The following BIK variants were observed in gnomAD, a reference collection of about 807,000 sequenced individuals.
BIK encodes BCL2 interacting killer, also known as bcl-2-interacting killer.
Under a neutral mutation model 12.1 loss-of-function variants are expected in BIK, and 14 were observed. The observed-to-expected ratio is 1.16, with a 90% CI of 0.77 to 1.81. The LOEUF (loss-of-function observed/expected upper bound fraction) is 1.81, where lower values mean the gene tolerates loss of function less well. BIK is among the 40% of genes most tolerant of loss of function. BIK has a pLI of 0.00. For synonymous variants in BIK, 86 were observed against 92.3 expected (o/e 0.93, Z 0.39); for missense variants, 215 against 207.9 (o/e 1.03, Z -0.21).
intron 4 of BIK, 36 bp downstream of exon 4, chr22:43,128,661 TG>T (rs762120515): frequency 1.3e-6 from 2 of 1,575,928 alleles, no homozygotes; most frequent in South Asian, 2.3e-5. Flanking sequence ...TGACTTGCGC[TG>T]CGGCCAGTGG....
At chr22:43,117,183 T>G (rs1204193603) in intron 1 of BIK, among the ~76,000 whole-genome samples, 2 of 152,092 alleles carry the variant, frequency 1.3e-5, no homozygotes, top group East Asian at 3.9e-4. Context: ...GACGGAGGTC[T>G]CCCAGGCCCA....
intron 2 of BIK, among the ~76,000 whole-genome samples, chr22:43,125,488 C>G (rs1930296222): frequency 1.3e-5 from 2 of 151,096 alleles, no homozygotes; most frequent in African/African-American, 4.9e-5. Context: ...GGCGGATCAC[C>G]TGAGGTTGGG....
At chr22:43,121,638 G>C (rs182938186) in intron 1 of BIK, among the ~76,000 whole-genome samples, 1 of 152,180 alleles carries the variant, frequency 6.6e-6, no homozygotes, top group Non-Finnish European at 1.5e-5. Context: ...CTGCCTTTTC[G>C]AGGGGAAGGG....
chr22:43,117,525 C>T (rs531271081), intron 1 of BIK, among the ~76,000 whole-genome samples: 31 of 142,256 alleles, frequency 2.2e-4, no homozygotes, highest in East Asian at 3.9e-4. Flanking sequence ...CCCGCCACCA[C>T]GCCCAGCTAA....
intron 1 of BIK, among the ~76,000 whole-genome samples, chr22:43,120,212 A>G (rs1252514021): frequency 1.3e-5 from 2 of 152,076 alleles, no homozygotes; most frequent in Non-Finnish European, 2.9e-5. Flanking sequence ...TTTTTGAGAC[A>G]AGTCTTGCTC....
intron 2 of BIK, 86 bp downstream of exon 2, chr22:43,124,269 G>A: frequency 2.7e-6 from 4 of 1,493,232 alleles, no homozygotes; most frequent in South Asian, 1.2e-5. Context: ...GAGCGGGGGA[G>A]CGCCTGCAGA....
rs1344835128 is a variant in BIK at position 43,128,625 on chromosome 22, G to A, written c.390G>A (p.Trp130Ter). The change falls in exon 4 of 5, where the codon TGG (tryptophan) becomes TGA (stop). Residue 130 changes from tryptophan (W) to a stop codon, truncating the protein, a stop_gained and splice_region_variant. Transcript: ENST00000216115. LOFTEE classifies it low-confidence loss of function (END_TRUNC). Reference sequence around the variant, plus strand: ...GGAGATCCCCGAACCCCGGGTCCTGGGTAAGAGCCTTGAGATCCCTGACCC... The same window carrying A: ...GGAGATCCCCGAACCCCGGGTCCTGAGTAAGAGCCTTGAGATCCCTGACCC... ...RFWRSPNPGS[W>*]VSCEQVLLAL... 1.2e-6 allele frequency: 2 copies of A among 1,606,516 alleles called. No homozygotes were observed. The highest frequency in any genetic ancestry group is 2.2e-5 in the East Asian group (1 of 44,748).
At position 43,129,263 on chromosome 22, in the gene BIK, G is replaced by GCTGCCGCTGCTC. The variant is rs921259818; in HGVS notation, c.442_453dup (p.Leu148_Leu151dup). 2.5e-6 allele frequency: 4 copies of GCTGCCGCTGCTC among 1,599,262 alleles called. No individual in the cohort carries two copies. The African/African-American group carries it at 5.4e-5, about 21-fold the overall frequency. ...CGCTGCTGCTGCTGCTGGCGCTGCTGCTGCCGCTGCTCAGCGGGGGCCTGC... is the reference window on the plus strand; with the variant it reads ...CGCTGCTGCTGCTGCTGGCGCTGCTGCTGCCGCTGCTCCTGCCGCTGCTCAGCGGGGGCCTGC... On this transcript the variant is annotated inframe_insertion, in exon 5 of 5. Transcript: ENST00000216115.
rs999550053 is a variant in BIK at position 43,127,755 on chromosome 22, G to A, written c.220G>A (p.Ala74Thr). Reference protein sequence around the residue: ...IGDEMDVSLRAPRLAQLSEVA... With the variant: ...IGDEMDVSLRTPRLAQLSEVA... Reference sequence around the variant, plus strand: ...GGACGAGATGGACGTGAGCCTCAGGGCCCCGCGCCTGGCCCAGCTCTCCGA... The same window carrying A: ...GGACGAGATGGACGTGAGCCTCAGGACCCCGCGCCTGGCCCAGCTCTCCGA... The change falls in exon 3 of 5, where the codon GCC (alanine) becomes ACC (threonine). Residue 74 changes from alanine (A) to threonine (T), a missense_variant. Coordinates refer to ENST00000216115, the MANE Select transcript of BIK (RefSeq NM_001197.5). The A allele has an allele frequency of 1.9e-6, 3 of 1,552,516 alleles. No homozygotes were observed. The highest frequency in any genetic ancestry group is 2.6e-6 in the Non-Finnish European group (3 of 1,148,642).
At chr22:43,122,890 T>C (rs1930245536) in intron 1 of BIK, among the ~76,000 whole-genome samples, 1 of 152,100 alleles carries the variant, frequency 6.6e-6, no homozygotes, top group African/African-American at 2.4e-5. Flanking sequence ...CTCCCTGGCA[T>C]CCAACCCCTG....
chr22:43,124,114 G>A lies in BIK; in HGVS notation c.92G>A (p.Gly31Asp). The A allele has an allele frequency of 1.2e-6, 2 of 1,614,162 alleles. No individual in the cohort carries two copies. The highest frequency in any genetic ancestry group is 1.7e-6 in the Non-Finnish European group (2 of 1,180,036). The change falls in exon 2 of 5, where the codon GGC (glycine) becomes GAC (aspartate). Residue 31 changes from glycine (G) to aspartate (D), a missense_variant. Transcript: ENST00000216115. ...GAACCCCCGACCATGGAGGTTCTTG[G>A]CATGACTGACTCTGAAGAGGACCTG... ...LLEPPTMEVL[G>D]MTDSEEDLDP...
intron 1 of BIK, among the ~76,000 whole-genome samples, chr22:43,115,588 T>A (rs372007281): frequency 2.0e-5 from 3 of 151,812 alleles, no homozygotes; most frequent in Non-Finnish European, 4.4e-5. Context: ...TCAGCCTCCC[T>A]AGTAGCTGGG....
intron 1 of BIK, among the ~76,000 whole-genome samples, chr22:43,113,512 A>G (rs1483220300): frequency 6.6e-6 from 1 of 152,052 alleles, no homozygotes; most frequent in Non-Finnish European, 1.5e-5. Flanking sequence ...AGATGGTGCC[A>G]CTGCACTCAG....
At chr22:43,117,881 G>C (rs887673998) in intron 1 of BIK, among the ~76,000 whole-genome samples, 1 of 151,442 alleles carries the variant, frequency 6.6e-6, no homozygotes, top group Non-Finnish European at 1.5e-5. Flanking sequence ...TACCATGTTA[G>C]TCAGGCTGGT....
chr22:43,125,766 AACC>A (rs1158044090), intron 2 of BIK, among the ~76,000 whole-genome samples: 1 of 152,064 alleles, frequency 6.6e-6, no homozygotes, highest in Non-Finnish European at 1.5e-5. Context: ...AAAGAAAGAA[AACC>A]AGAACCTATG....
At position 43,117,394 on chromosome 22, in the gene BIK, A is replaced by G. The variant is rs553583079; in HGVS notation, c.-8+6591A>G. ...TCTTTTTCTTTTTTTTTTTTGAGAC[A>G]GTCTCACTCTGTCGCCCAGACCGGA... On this transcript the variant is annotated intron_variant, in intron 1 of 4. Transcript: ENST00000216115. Among the ~76,000 whole-genome samples the G allele has an allele frequency of 2.0e-5, 3 of 146,356 alleles. No individual in the cohort carries two copies. The Admixed American group carries it at 2.1e-4, about 10-fold the overall frequency.
At chr22:43,111,591 C>G (rs947883245) in intron 1 of BIK, among the ~76,000 whole-genome samples, 1 of 152,176 alleles carries the variant, frequency 6.6e-6, no homozygotes, top group Non-Finnish European at 1.5e-5. Flanking sequence ...GCTCTGGCCT[C>G]CTAAATGCGA....
At chr22:43,111,542 C>T (rs781423555) in intron 1 of BIK, among the ~76,000 whole-genome samples, 17 of 152,136 alleles carry the variant, frequency 1.1e-4, no homozygotes, top group Non-Finnish European at 2.5e-4. Context: ...GGCGCGGTCA[C>T]GACAAGGCTT....
chr22:43,117,079 G>A (rs548823651), intron 1 of BIK, among the ~76,000 whole-genome samples: 167 of 152,288 alleles, frequency 1.1e-3, no homozygotes, highest in African/African-American at 3.7e-3. Flanking sequence ...TGGGGGTGCC[G>A]TTTCAGATGC....
Sources: allele counts gnomAD v4.1 joint callset (sites outside exome capture counted in the v4.1 genomes callset), GRCh38; gene constraint gnomAD v4.1.1; transcripts MANE v1.5; gene names NCBI Gene and HGNC (gene_info 2026-07-23, HGNC 2026-07-21).